FAM131B: variants seen among roughly 807,000 people sequenced by gnomAD.
FAM131B encodes protein FAM131B.
FAM131B carries 19 observed loss-of-function variants against 42.0 expected under a neutral mutation model. That is an observed-to-expected ratio of 0.45 (90% confidence interval 0.32 to 0.66). The LOEUF (loss-of-function observed/expected upper bound fraction) is 0.66, where lower values mean the gene tolerates loss of function less well. FAM131B is among the 30% of genes least tolerant of loss of function. FAM131B has a pLI of 0.05. For missense variants in FAM131B, 370 were observed against 468.4 expected, an observed-to-expected ratio of 0.79 and a Z score of 1.94; for synonymous variants, 183 against 177.6, an observed-to-expected ratio of 1.03 and a Z score of -0.24.
chr7:143,362,608 C>A lies in FAM131B; in HGVS notation c.-5G>T. On this transcript the variant is annotated 5_prime_UTR_variant, in exon 1 of 7. Coordinates refer to ENST00000443739, the MANE Select transcript of FAM131B (RefSeq NM_001031690.3). This position sits in a 1 kb window ranked among gnomAD's most constrained non-coding sequence, Gnocchi z 7.7. ...CCGGGAGCCGATGCAGCCCATGGCT[C>A]CGGGGGCCGCAGAGCCGGGCCCTCA... 1 of 1,215,752 alleles carries A rather than the reference C, an allele frequency of 8.2e-7. No individual in the cohort carries two copies. The highest frequency in any genetic ancestry group is 1.0e-6 in the Non-Finnish European group (1 of 977,468). The allele number at this position is 1,215,752 out of a possible 1,614,324, so 75.3% of individuals were successfully genotyped here. A position where few individuals can be genotyped will look rare whatever the true frequency, so the allele number is the denominator to read the frequency against.
At chr7:143,381,505 C>T in the FAM131B span, 2 of 1,534,872 alleles carry the variant, frequency 1.3e-6, no homozygotes, top group Non-Finnish European at 1.8e-6. Flanking sequence ...CTGGGACCGC[C>T]TGGGGCTCCT....
intron 6 of FAM131B, 29 bp downstream of exon 6, chr7:143,357,251 C>T (rs1229187905): frequency 6.2e-7 from 1 of 1,611,818 alleles, no homozygotes; most frequent in African/African-American, 1.3e-5. Flanking sequence ...TCATAGGCTC[C>T]AGAGTTTGGA....
the FAM131B span, among the ~76,000 whole-genome samples, chr7:143,375,424 A>G: frequency 6.6e-6 from 1 of 152,078 alleles, no homozygotes; most frequent in South Asian, 2.1e-4. Context: ...CTGTTGGTAG[A>G]CCTGAATAGG....
upstream of FAM131B, among the ~76,000 whole-genome samples, chr7:143,366,681 T>C (rs1003361252): frequency 1.3e-5 from 2 of 151,680 alleles, no homozygotes; most frequent in Admixed American, 6.6e-5. Flanking sequence ...CCTTAGTCTC[T>C]AGAGTAGCTG....
upstream of FAM131B, among the ~76,000 whole-genome samples, chr7:143,365,266 C>T (rs553710387): frequency 2.9e-3 from 442 of 152,214 alleles, no homozygotes; most frequent in Admixed American, 4.9e-3. Flanking sequence ...GCAGGGAAGA[C>T]GGGGCAGATG....
chr7:143,382,075 C>T, the FAM131B span: 4 of 629,826 alleles, frequency 6.4e-6, no homozygotes, highest in East Asian at 1.1e-4. Flanking sequence ...GCAGTGCGCC[C>T]GGCCTTTCCT....
chr7:143,368,170 C>G, the FAM131B span, among the ~76,000 whole-genome samples: 18 of 152,218 alleles, frequency 1.2e-4, no homozygotes, highest in Non-Finnish European at 1.9e-4. Context: ...CAGCAGCGAC[C>G]AGGCAGGATG....
At position 143,359,095 on chromosome 7, in the gene FAM131B, C is replaced by G; in HGVS notation, c.269-71G>C. On this transcript the variant is annotated intron_variant, in intron 4 of 6. Coordinates refer to ENST00000443739, the MANE Select transcript of FAM131B (RefSeq NM_001031690.3). This position sits in a 1 kb window ranked among gnomAD's most constrained non-coding sequence, Gnocchi z 5.4. Reference sequence around the variant, plus strand: ...ACCCATAACCAGACCCTCCCAGTTCCTCCCACCCCAGCCCCATGAGGCTCC... The same window carrying G: ...ACCCATAACCAGACCCTCCCAGTTCGTCCCACCCCAGCCCCATGAGGCTCC... The G allele has an allele frequency of 6.8e-7, 1 of 1,472,440 alleles. No individual in the cohort carries two copies. Among genetic ancestry groups the G allele is most frequent in the South Asian group, 1.2e-5 (1 of 82,962 alleles). The allele number at this position is 1,472,440 out of a possible 1,614,324, so 91.2% of individuals were successfully genotyped here.
chr7:143,377,560 T>C, the FAM131B span, among the ~76,000 whole-genome samples: 6 of 152,060 alleles, frequency 3.9e-5, no homozygotes, highest in Non-Finnish European at 8.8e-5. Flanking sequence ...TTAATATTTG[T>C]GTTGCAAAAA....
the FAM131B span, among the ~76,000 whole-genome samples, chr7:143,371,018 C>T: frequency 6.6e-5 from 10 of 152,320 alleles, no homozygotes; most frequent in East Asian, 1.9e-3. Context: ...CCCAAACACT[C>T]TTTCTTGGTT....
At chr7:143,357,183 C>G in intron 6 of FAM131B, 97 bp downstream of exon 6, 1 of 1,350,076 alleles carries the variant, frequency 7.4e-7, no homozygotes, top group Non-Finnish European at 1.0e-6. Context: ...CTGAGATGGA[C>G]AAGGAAGTCT....
At chr7:143,381,650 G>A in the FAM131B span, 13 of 1,612,142 alleles carry the variant, frequency 8.1e-6, no homozygotes, top group African/African-American at 1.5e-4. Flanking sequence ...GAAGAAGTTC[G>A]GCCCTGTGGT....
the FAM131B span, among the ~76,000 whole-genome samples, chr7:143,374,083 A>AT: frequency 3.4e-4 from 51 of 150,526 alleles, no homozygotes; most frequent in Admixed American, 2.1e-3. Context: ...TTGATAGGTG[A>AT]TTTTTTTTTT....
At chr7:143,380,696 T>C in the FAM131B span, 231 of 985,408 alleles carry the variant, frequency 2.3e-4, no homozygotes, top group Middle Eastern at 2.6e-3. This position sits in a 1 kb window ranked among gnomAD's most constrained non-coding sequence, Gnocchi z 5.0. Flanking sequence ...CCAAGAATGC[T>C]GGAGGTTCCG....
the FAM131B span, among the ~76,000 whole-genome samples, chr7:143,379,454 G>T: frequency 1.3e-5 from 2 of 152,206 alleles, no homozygotes; most frequent in East Asian, 3.8e-4. Flanking sequence ...ACAATGAGAT[G>T]CCAGAGAAAA....
the FAM131B span, chr7:143,382,158 C>A: frequency 2.7e-6 from 3 of 1,121,248 alleles, no homozygotes; most frequent in Non-Finnish European, 3.8e-6. Flanking sequence ...TGAGAGAGTT[C>A]TTGGGTTAGG....
intron 1 of FAM131B, chr7:143,361,487 CA>C (rs1803975691): frequency 6.6e-6 from 1 of 151,934 alleles, no homozygotes; most frequent in African/African-American, 2.4e-5. Context: ...AGGGGGTATC[CA>C]TGGAAATAAA....
Position 143,356,443 on chromosome 7 carries a change from C to T in FAM131B, c.*107G>A. On this transcript the variant is annotated 3_prime_UTR_variant, in exon 7 of 7. Transcript: ENST00000443739. The surrounding 1 kb of genome is among the most constrained non-coding windows in gnomAD (Gnocchi z 4.4). ...AGAGGACTGGAAGCTCCTGGGTTCC[C>T]CAATGTTGTCTGCCCAGTTTCAGCT... is the stretch of plus-strand genomic sequence containing the variant. 1 of 810,094 alleles carries T rather than the reference C, an allele frequency of 1.2e-6. No homozygotes were observed. The highest frequency in any genetic ancestry group is 2.0e-6 in the Non-Finnish European group (1 of 499,228). The allele number at this position is 810,094 out of a possible 1,614,324, so 50.2% of individuals were successfully genotyped here.
the FAM131B span, chr7:143,380,858 T>C: frequency 1.2e-6 from 1 of 863,778 alleles, no homozygotes; most frequent in African/African-American, 1.8e-5. This position sits in a 1 kb window ranked among gnomAD's most constrained non-coding sequence, Gnocchi z 5.0. Flanking sequence ...TAGCGGGTGG[T>C]GGCAGGAGGG....
Sources: gnomAD v4.1 joint callset for allele counts (sites outside exome capture counted in the v4.1 genomes callset) on GRCh38, gnomAD v4.1.1 for gene constraint, Gnocchi (gnomAD v3.1) non-coding constraint, MANE v1.5 for transcripts, NCBI Gene and HGNC (gene_info 2026-07-23, HGNC 2026-07-21) for gene names.